The following MGMT variants were observed in gnomAD, a reference collection of about 807,000 sequenced individuals.
The protein encoded by MGMT is methylated-DNA--protein-cysteine methyltransferase.
A neutral mutation model predicts 15.9 loss-of-function variants in MGMT; 14 were observed. The observed-to-expected ratio is 0.88, with a 90% CI of 0.58 to 1.37. The LOEUF is 1.37. Among genes scored for constraint, MGMT ranks in the 40% most tolerant of loss-of-function variants. The pLI, the probability that MGMT is intolerant of heterozygous loss-of-function variation, is 0.00. For synonymous variants in MGMT, 130 were observed against 118.2 expected (o/e 1.10, Z -0.65); for missense variants, 282 against 268.1 (o/e 1.05, Z -0.36).
At chr10:129,588,908 G>C (rs1450979109) in intron 2 of MGMT, among the ~76,000 whole-genome samples, 1 of 152,238 alleles carries the variant, frequency 6.6e-6, no homozygotes, top group Admixed American at 6.5e-5. Context: ...GGACAACTAG[G>C]AGAAACTCGC....
intron 2 of MGMT, among the ~76,000 whole-genome samples, chr10:129,702,302 G>A (rs1326478882): frequency 1.3e-5 from 2 of 152,182 alleles, no homozygotes; most frequent in East Asian, 1.9e-4. Context: ...TAAGGTGCCC[G>A]ACGCCCTGTT....
chr10:129,746,470 T>C (rs1848697761), intron 3 of MGMT, among the ~76,000 whole-genome samples: 1 of 152,078 alleles, frequency 6.6e-6, no homozygotes, highest in South Asian at 2.1e-4. Context: ...ATCTATGATA[T>C]ATTTTGAGTT....
chr10:129,544,422 C>T lies in MGMT; in HGVS notation c.125+8045C>T, dbSNP rs192501513. On this transcript the variant is annotated intron_variant, in intron 2 of 4. Coordinates refer to ENST00000651593, the MANE Select transcript of MGMT (RefSeq NM_002412.5). ...GGCTTTCACCCTCAGGAAGCCCCAG[C>T]ATGGCCTTGGGCCCAGCTTAGAGGC... is the stretch of plus-strand genomic sequence containing the variant. 6.4e-4 allele frequency among the ~76,000 whole-genome samples: 98 copies of T among 152,380 alleles called. 1 individual carries two copies. The highest frequency in any genetic ancestry group is 2.4e-3 in the Admixed American group (36 of 15,314).
chr10:129,671,298 C>G (rs1847719819), intron 2 of MGMT, among the ~76,000 whole-genome samples: 1 of 152,178 alleles, frequency 6.6e-6, no homozygotes, highest in African/African-American at 2.4e-5. Context: ...GTGCTGTCAC[C>G]TTGGTAGCTT....
At chr10:129,645,859 C>T (rs1847382754) in intron 2 of MGMT, among the ~76,000 whole-genome samples, 1 of 152,186 alleles carries the variant, frequency 6.6e-6, no homozygotes, top group African/African-American at 2.4e-5. Context: ...ATCCAGTGGC[C>T]AGTCGGCCGA....
intron 2 of MGMT, among the ~76,000 whole-genome samples, chr10:129,571,059 G>C (rs750612988): frequency 6.6e-6 from 1 of 152,158 alleles, no homozygotes; most frequent in Non-Finnish European, 1.5e-5. Context: ...GTAACAAGTC[G>C]AATAGAAATC....
At chr10:129,630,455 C>T (rs896941719) in intron 2 of MGMT, among the ~76,000 whole-genome samples, 1 of 152,240 alleles carries the variant, frequency 6.6e-6, no homozygotes, top group African/African-American at 2.4e-5. Context: ...AACTGTCTCA[C>T]AGGCTGAACT....
In MGMT at chr10:129,490,001, A is replaced by G. The variant is rs1043136334; in HGVS notation, c.-13+22705A>G. Among the ~76,000 whole-genome samples the G allele has an allele frequency of 3.3e-5, 5 of 152,268 alleles. No individual in the cohort carries two copies. The South Asian group carries it at 1.0e-3, about 32-fold the overall frequency. On this transcript the variant is annotated intron_variant, in intron 1 of 4. Coordinates refer to ENST00000651593, the MANE Select transcript of MGMT (RefSeq NM_002412.5). ...ATACACTCATCTTGTTGCTTATTTT[A>G]AAGGGAAAACTGCTAACTCTTCATT...
chr10:129,685,192 C>T (rs1847891804), intron 2 of MGMT, among the ~76,000 whole-genome samples: 3 of 152,222 alleles, frequency 2.0e-5, no homozygotes, highest in Admixed American at 6.5e-5. Flanking sequence ...CCATATGTGT[C>T]AAATGTATGA....
rs576118842 is a variant in MGMT at position 129,604,330 on chromosome 10, T to C, written c.125+67953T>C. ...TAGCACTTAATTCTGAAATAAGTCATGCCTGTTGTTACACTCAGAAAAATA... is the reference window on the plus strand; with the variant it reads ...TAGCACTTAATTCTGAAATAAGTCACGCCTGTTGTTACACTCAGAAAAATA... On this transcript the variant is annotated intron_variant, in intron 2 of 4. Transcript: ENST00000651593. Among the ~76,000 whole-genome samples the C allele has an allele frequency of 3.9e-5, 6 of 152,310 alleles. No individual in the cohort carries two copies. In the East Asian group the frequency reaches 1.2e-3, roughly 29 times the overall value.
At chr10:129,505,715 G>A (rs898210116) in intron 1 of MGMT, among the ~76,000 whole-genome samples, 2 of 152,162 alleles carry the variant, frequency 1.3e-5, no homozygotes, top group Admixed American at 6.5e-5. Context: ...GACAGCTTTT[G>A]TAAAGTTTCA....
chr10:129,713,095 A>G (rs1181476445), intron 3 of MGMT, among the ~76,000 whole-genome samples: 1 of 152,088 alleles, frequency 6.6e-6, no homozygotes, highest in African/African-American at 2.4e-5. Flanking sequence ...TTGTACCGAT[A>G]TTTTCCCTGA....
At position 129,533,491 on chromosome 10, in the gene MGMT, G is replaced by A. The variant is rs184592143; in HGVS notation, c.-12-2750G>A. ...TCCATGGAGAGCGAAACCCAAGCTG[G>A]GCTGTTTACTGCCAGTCTGCTGGGA... is the stretch of plus-strand genomic sequence containing the variant. On this transcript the variant is annotated intron_variant, in intron 1 of 4. Transcript: ENST00000651593. The surrounding 1 kb of genome is among the most constrained non-coding windows in gnomAD (Gnocchi z 4.5). Among the ~76,000 whole-genome samples, 25 of 152,294 alleles carry A rather than the reference G, an allele frequency of 1.6e-4. No individual in the cohort carries two copies. The highest frequency in any genetic ancestry group is 3.1e-4 in the Non-Finnish European group (21 of 68,018).
chr10:129,568,221 G>C (rs1179119179), intron 2 of MGMT, among the ~76,000 whole-genome samples: 1 of 152,168 alleles, frequency 6.6e-6, no homozygotes, highest in Non-Finnish European at 1.5e-5. Context: ...TGAGGTTTTT[G>C]GTGCTTTTTA....
At chr10:129,724,029 C>T (rs1478323043) in intron 3 of MGMT, among the ~76,000 whole-genome samples, 1 of 152,190 alleles carries the variant, frequency 6.6e-6, no homozygotes, top group East Asian at 1.9e-4. Flanking sequence ...GGCATTTATC[C>T]AGGAGAAATT....
intron 2 of MGMT, 97 bp downstream of exon 2, chr10:129,536,474 C>G: frequency 6.9e-7 from 1 of 1,453,106 alleles, no homozygotes; most frequent in Non-Finnish European, 9.3e-7. Context: ...GGCAGGGTAA[C>G]GCATAGCCTT....
chr10:129,492,134 T>C (rs1419865452), intron 1 of MGMT, among the ~76,000 whole-genome samples: 1 of 152,160 alleles, frequency 6.6e-6, no homozygotes, highest in East Asian at 1.9e-4. Context: ...GTGAAGGACC[T>C]TGGTTTCATG....
At chr10:129,616,012 C>T (rs1351139928) in intron 2 of MGMT, among the ~76,000 whole-genome samples, 3 of 152,106 alleles carry the variant, frequency 2.0e-5, no homozygotes, top group Admixed American at 6.5e-5. Flanking sequence ...CTTTGCCCAT[C>T]CTCTGATCGT....
intron 3 of MGMT, among the ~76,000 whole-genome samples, chr10:129,727,146 C>T (rs1848443277): frequency 6.6e-6 from 1 of 152,210 alleles, no homozygotes. Flanking sequence ...ACTGCTGGTA[C>T]TCCCACTCTT....
Sources: gnomAD v4.1 joint callset for allele counts (sites outside exome capture counted in the v4.1 genomes callset) on GRCh38, gnomAD v4.1.1 for gene constraint, Gnocchi (gnomAD v3.1) non-coding constraint, MANE v1.5 for transcripts, NCBI Gene and HGNC (gene_info 2026-07-23, HGNC 2026-07-21) for gene names.